SEC16B: variants seen among roughly 807,000 people sequenced by gnomAD.
SEC16B encodes SEC16 homolog B, endoplasmic reticulum export factor.
SEC16B carries 115 observed loss-of-function variants against 141.8 expected under a neutral mutation model. The ratio of observed to expected loss-of-function variants is 0.81; its 90% CI spans 0.70 to 0.95. The LOEUF is 0.95. Among genes scored for constraint, SEC16B ranks in the 40% least tolerant of loss-of-function variants. The pLI, the probability that SEC16B is intolerant of heterozygous loss-of-function variation, is 0.00. For synonymous variants in SEC16B, 493 were observed against 492.5 expected, an observed-to-expected ratio of 1.00 and a Z score of -0.01; for missense variants, 1,291 against 1,312.3, an observed-to-expected ratio of 0.98 and a Z score of 0.25.
chr1:177,975,681 C>T (rs1654143946), intron 1 of SEC16B, among the ~76,000 whole-genome samples: 2 of 152,214 alleles, frequency 1.3e-5, no homozygotes, highest in South Asian at 4.1e-4. Flanking sequence ...ACATGTATTT[C>T]CAGCAACATC....
At chr1:177,956,725 T>C (rs1652630263) in intron 10 of SEC16B, among the ~76,000 whole-genome samples, 1 of 152,168 alleles carries the variant, frequency 6.6e-6, no homozygotes, top group Admixed American at 6.5e-5. Context: ...GACTTTACAA[T>C]GCTGTGAAAT....
intron 1 of SEC16B, among the ~76,000 whole-genome samples, chr1:177,975,364 T>C (rs1654131710): frequency 6.6e-6 from 1 of 152,224 alleles, no homozygotes. Context: ...TTATACTGTA[T>C]GACTGTACCC....
intron 18 of SEC16B, among the ~76,000 whole-genome samples, chr1:177,938,910 T>C (rs1651064664): frequency 6.6e-6 from 1 of 152,114 alleles, no homozygotes; most frequent in Non-Finnish European, 1.5e-5. Flanking sequence ...TATAACAAGA[T>C]TGGTCACAGG....
chr1:177,931,826 A>C (rs1650435295), intron 24 of SEC16B, among the ~76,000 whole-genome samples: 1 of 152,256 alleles, frequency 6.6e-6, no homozygotes, highest in African/African-American at 2.4e-5. Flanking sequence ...TTTTCCTAGC[A>C]ATAGATATGA....
At chr1:177,939,577 G>T (rs1431677413) in intron 18 of SEC16B, 125 bp downstream of exon 18, 1 of 781,082 alleles carries the variant, frequency 1.3e-6, no homozygotes, top group Non-Finnish European at 2.2e-6. Context: ...CAACGGGGCG[G>T]ACTTACACAG....
chr1:177,930,324 AT>A (rs1650321616), intron 25 of SEC16B, among the ~76,000 whole-genome samples: 1 of 152,202 alleles, frequency 6.6e-6, no homozygotes, highest in Non-Finnish European at 1.5e-5. Context: ...TAGTAACTAC[AT>A]TTATTGACCA....
At chr1:177,972,801 G>A (rs1248655970), upstream of SEC16B, among the ~76,000 whole-genome samples, 1 of 152,172 alleles carries the variant, frequency 6.6e-6, no homozygotes, top group Non-Finnish European at 1.5e-5. Context: ...TTAGGAGGTA[G>A]GCCTCCAAGA....
chr1:177,945,446 G>T (rs926886817), intron 14 of SEC16B: 5 of 152,270 alleles, frequency 3.3e-5, no homozygotes, highest in African/African-American at 1.2e-4. Context: ...ATTTGGCACA[G>T]AAGGGATTCT....
intron 7 of SEC16B, 60 bp downstream of exon 7, chr1:177,960,731 T>G: frequency 2.0e-6 from 3 of 1,504,728 alleles, no homozygotes; most frequent in Non-Finnish European, 1.8e-6. Context: ...AAGGTAAGCA[T>G]GTTAGGAGTA....
chr1:177,968,096 T>C (rs1181349380), intron 1 of SEC16B, 57 bp from the exon 2 acceptor site: 4 of 1,064,558 alleles, frequency 3.8e-6, no homozygotes, highest in South Asian at 1.9e-5. Flanking sequence ...CCAAACATAG[T>C]GGTTGATTAG....
At chr1:177,954,107 T>C (rs1387402526) in intron 11 of SEC16B, among the ~76,000 whole-genome samples, 172 bp downstream of exon 11, 1 of 152,234 alleles carries the variant, frequency 6.6e-6, no homozygotes, top group African/African-American at 2.4e-5. Context: ...AAAGAATGTA[T>C]CTGTGTCTAA....
intron 1 of SEC16B, chr1:177,984,111 A>G (rs1381347230): frequency 6.6e-6 from 1 of 152,226 alleles, no homozygotes; most frequent in Non-Finnish European, 1.5e-5. Context: ...TGAGTCTGCT[A>G]GAAGGGTCTT....
At chr1:177,952,737 A>T (rs1652294959) in intron 11 of SEC16B, among the ~76,000 whole-genome samples, 1 of 152,174 alleles carries the variant, frequency 6.6e-6, no homozygotes, top group Non-Finnish European at 1.5e-5. Flanking sequence ...TTCATTTTCA[A>T]AGCCCAAAGG....
chr1:177,965,765 G>A (rs1653466475), intron 3 of SEC16B, 128 bp downstream of exon 3: 2 of 597,360 alleles, frequency 3.3e-6, no homozygotes, highest in African/African-American at 3.7e-5. Flanking sequence ...TTCTGCTATG[G>A]TCTCGTCTGG....
At chr1:177,972,902 G>T (rs1008681489), upstream of SEC16B, among the ~76,000 whole-genome samples, 1 of 152,082 alleles carries the variant, frequency 6.6e-6, no homozygotes, top group African/African-American at 2.4e-5. Flanking sequence ...CTCTCTCTCT[G>T]CTCTCTGGTG....
At chr1:177,956,484 G>T (rs1652610612) in intron 10 of SEC16B, among the ~76,000 whole-genome samples, 1 of 152,046 alleles carries the variant, frequency 6.6e-6, no homozygotes, top group Non-Finnish European at 1.5e-5. Flanking sequence ...AATTTCTCTG[G>T]ATATTTCTGA....
chr1:177,947,980 A>G (rs1651865629), intron 12 of SEC16B, 38 bp from the exon 13 acceptor site: 1 of 1,431,454 alleles, frequency 7.0e-7, no homozygotes, highest in Non-Finnish European at 9.6e-7. Context: ...ACAATCATTT[A>G]AGAATGGCCA....
At chr1:177,956,128 T>A (rs76671398) in intron 10 of SEC16B, among the ~76,000 whole-genome samples, 27,834 of 151,664 alleles carry the variant, frequency 0.18, 2,776 homozygotes, top group Middle Eastern at 0.29. Context: ...TTGGAAAAAA[T>A]TTTTTTTTAA....
intron 1 of SEC16B, among the ~76,000 whole-genome samples, chr1:177,980,119 G>A (rs1654345250): frequency 1.3e-5 from 2 of 152,120 alleles, no homozygotes; most frequent in Admixed American, 6.6e-5. Flanking sequence ...GTTTCTGTAC[G>A]AGCTTGCTAG....
Sources: allele counts gnomAD v4.1 joint callset (sites outside exome capture counted in the v4.1 genomes callset), GRCh38; gene constraint gnomAD v4.1.1; transcripts MANE v1.5; gene names NCBI Gene and HGNC (gene_info 2026-07-23, HGNC 2026-07-21).